ART3: variants seen among roughly 807,000 people sequenced by gnomAD.
ART3 encodes the protein ADP-ribosyltransferase 3 (inactive).
In ART3, 49 loss-of-function variants were observed where a neutral mutation model predicts 48.5. The observed-to-expected ratio is 1.01, with a 90% CI of 0.80 to 1.28. The LOEUF (loss-of-function observed/expected upper bound fraction) is 1.28, where lower values mean the gene tolerates loss of function less well. Among genes scored for constraint, ART3 ranks in the 50% most tolerant of loss-of-function variants. The pLI is 0.00. For missense variants in ART3, 438 were observed against 454.3 expected, an observed-to-expected ratio of 0.96 and a Z score of 0.33; for synonymous variants, 145 against 157.2, an observed-to-expected ratio of 0.92 and a Z score of 0.58.
chr4:76,080,858 A>G (rs1309062891), intron 2 of ART3, among the ~76,000 whole-genome samples: 1 of 152,132 alleles, frequency 6.6e-6, no homozygotes, highest in Non-Finnish European at 1.5e-5. Flanking sequence ...TAGAAATGTC[A>G]AGTAACTTTC....
chr4:76,071,924 T>G (rs555712793), upstream of ART3, among the ~76,000 whole-genome samples: 12 of 152,280 alleles, frequency 7.9e-5, 1 homozygote, highest in South Asian at 1.2e-3. Context: ...TTTGTTTTTG[T>G]TTTTGTTTTT....
At chr4:76,020,114 C>CTTTTTT (rs572701495) in intron 1 of ART3, among the ~76,000 whole-genome samples, 1 of 145,008 alleles carries the variant, frequency 6.9e-6, no homozygotes, top group African/African-American at 2.5e-5. Flanking sequence ...CTTCTGTTTC[C>CTTTTTT]TTTTTTTTTT....
intron 2 of ART3, among the ~76,000 whole-genome samples, chr4:76,076,820 T>C (rs375130238): frequency 6.6e-5 from 10 of 152,214 alleles, no homozygotes; most frequent in African/African-American, 2.4e-4. Flanking sequence ...TATTTTTATG[T>C]AAAATATAAT....
intron 1 of ART3, among the ~76,000 whole-genome samples, chr4:76,048,673 G>A (rs967841119): frequency 1.3e-5 from 2 of 151,880 alleles, no homozygotes; most frequent in African/African-American, 4.8e-5. Context: ...ACGCAGCAGC[G>A]GAAACACTAG....
At chr4:76,064,085 G>A (rs937710306) in intron 1 of ART3, among the ~76,000 whole-genome samples, 2 of 152,142 alleles carry the variant, frequency 1.3e-5, no homozygotes, top group African/African-American at 4.8e-5. Flanking sequence ...AAAGTACCCA[G>A]GGATTCAATT....
chr4:76,048,130 A>G (rs1408538492), intron 1 of ART3, among the ~76,000 whole-genome samples: 1 of 151,938 alleles, frequency 6.6e-6, no homozygotes, highest in East Asian at 1.9e-4. Context: ...AAGGGGAGCT[A>G]TAGGGAGGCT....
intron 1 of ART3, among the ~76,000 whole-genome samples, chr4:76,028,507 A>G (rs1733610860): frequency 6.6e-6 from 1 of 152,258 alleles, no homozygotes; most frequent in Admixed American, 6.5e-5. Flanking sequence ...TAATGAGCAC[A>G]GACGAAGGCA....
rs10547155 is a variant in ART3, at chr4:76,032,581, CTT to C, written c.-10+21280_-10+21281del. Among the ~76,000 whole-genome samples, 403 of 114,458 alleles carry C rather than the reference CTT, an allele frequency of 3.5e-3. 4 individuals are homozygous for C. Among genetic ancestry groups the C allele is most frequent in the Middle Eastern group, 0.02 (4 of 204 alleles). 75.1% of individuals were successfully genotyped at this position (114,458 alleles called of 152,430 possible). A position where few individuals can be genotyped will look rare whatever the true frequency, so the allele number is the denominator to read the frequency against. ...AAGTAGTCAAAGATTAGATTCAAGT[CTT>C]TTTTTTTTTTTTTTTTTTGAGGTGC... On this transcript the variant is annotated intron_variant, in intron 1 of 9. Coordinates refer to the ART3 transcript ENST00000341029.
intron 11 of ART3, among the ~76,000 whole-genome samples, chr4:76,110,969 C>CA (rs1319140242): frequency 6.6e-6 from 1 of 152,104 alleles, no homozygotes; most frequent in East Asian, 1.9e-4. Context: ...CAAATTTGTG[C>CA]ACACAGACCA....
chr4:76,052,495 T>A (rs1736207783), intron 1 of ART3, among the ~76,000 whole-genome samples: 1 of 152,116 alleles, frequency 6.6e-6, no homozygotes, highest in Admixed American at 6.6e-5. Flanking sequence ...AAATATAATT[T>A]TGTTACATGG....
At chr4:76,105,739 T>A in intron 10 of ART3, 1 of 985,444 alleles carries the variant, frequency 1.0e-6, no homozygotes, top group South Asian at 4.7e-5. Flanking sequence ...AGCAGGCTGC[T>A]ATTACGGTTC....
intron 1 of ART3, among the ~76,000 whole-genome samples, chr4:76,011,910 T>C (rs1429423501): frequency 6.6e-6 from 1 of 152,228 alleles, no homozygotes; most frequent in Non-Finnish European, 1.5e-5. Context: ...GTTGCATTTA[T>C]GGCTAGACAA....
intron 1 of ART3, chr4:76,035,090 C>T (rs367629626): frequency 6.2e-6 from 10 of 1,613,686 alleles, no homozygotes; most frequent in Admixed American, 5.0e-5. Flanking sequence ...ATTTAGGCAT[C>T]GTTGTCCTTT....
chr4:76,016,590 T>C (rs1385725339), intron 1 of ART3, among the ~76,000 whole-genome samples: 1 of 152,166 alleles, frequency 6.6e-6, no homozygotes, highest in Non-Finnish European at 1.5e-5. Context: ...CATCTGTGTT[T>C]GCTCAAGGCC....
intron 1 of ART3, among the ~76,000 whole-genome samples, chr4:76,052,354 C>G (rs1369267351): frequency 6.6e-6 from 1 of 152,148 alleles, no homozygotes; most frequent in African/African-American, 2.4e-5. Context: ...ATTGCAGTCG[C>G]AAGTGCATGC....
At chr4:76,052,653 T>C (rs1323194667) in intron 1 of ART3, among the ~76,000 whole-genome samples, 3 of 152,146 alleles carry the variant, frequency 2.0e-5, no homozygotes, top group Non-Finnish European at 4.4e-5. Context: ...TATGTCTATG[T>C]GTACACATTA....
intron 1 of ART3, among the ~76,000 whole-genome samples, chr4:76,036,455 T>A (rs952292782): frequency 1.3e-5 from 2 of 152,280 alleles, no homozygotes; most frequent in Admixed American, 6.5e-5. Flanking sequence ...AGCTTTTTTT[T>A]ATTATCTCAC....
intron 11 of ART3, among the ~76,000 whole-genome samples, chr4:76,108,987 T>G (rs776940655): frequency 2.6e-5 from 4 of 152,146 alleles, no homozygotes; most frequent in Non-Finnish European, 5.9e-5. Flanking sequence ...CTGGGTGGTG[T>G]TGAGCGGATG....
chr4:76,040,978 C>T (rs1734923150), intron 1 of ART3: 1 of 152,208 alleles, frequency 6.6e-6, no homozygotes, highest in Non-Finnish European at 1.5e-5. Flanking sequence ...TTAGAGTGTC[C>T]TGGAAAGCAC....
Sources: allele counts gnomAD v4.1 joint callset (sites outside exome capture counted in the v4.1 genomes callset), GRCh38; gene constraint gnomAD v4.1.1; transcripts MANE v1.5; gene names NCBI Gene and HGNC (gene_info 2026-07-23, HGNC 2026-07-21).